Variants in ITGAD observed in about 807,000 individuals in gnomAD.
ITGAD encodes the protein integrin alpha-D.
Under a neutral mutation model 139.0 loss-of-function variants are expected in ITGAD, and 105 were observed. The ratio of observed to expected loss-of-function variants is 0.76; its 90% CI spans 0.65 to 0.89. The LOEUF is 0.89. Among genes scored for constraint, ITGAD ranks in the 40% least tolerant of loss-of-function variants. The pLI, the probability that ITGAD is intolerant of heterozygous loss-of-function variation, is 0.00. For synonymous variants in ITGAD, 569 were observed against 598.3 expected (o/e 0.95, Z 0.71); for missense variants, 1,384 against 1,487.3 (o/e 0.93, Z 1.14).
chr16:31,412,108 C>G (rs553150762), intron 14 of ITGAD, among the ~76,000 whole-genome samples: 1 of 150,080 alleles, frequency 6.7e-6, no homozygotes, highest in African/African-American at 2.5e-5. Context: ...CTCACTCTGT[C>G]GCCCAGGCTG....
chr16:31,397,486 G>A, intron 3 of ITGAD, 24 bp downstream of exon 3: 3 of 1,581,744 alleles, frequency 1.9e-6, no homozygotes, highest in Non-Finnish European at 2.6e-6. Flanking sequence ...TGGGAATTGG[G>A]CCCCTCAACC....
chr16:31,407,641 G>C lies in ITGAD; in HGVS notation c.831G>C (p.Lys277Asn), dbSNP rs1384545948. Reference sequence around the variant, plus strand: ...GTGATGTCATCCCCCAGGCAGAGAAGGCTGGCATCATCCGCTACGCTATCG... The same window carrying C: ...GTGATGTCATCCCCCAGGCAGAGAACGCTGGCATCATCCGCTACGCTATCG... ...EYSDVIPQAE[K>N]AGIIRYAIGV... The change falls in exon 8 of 30, where the codon AAG becomes AAC. Residue 277 changes from lysine (K) to asparagine (N), a missense_variant. Transcript: ENST00000389202. 1.2e-6 allele frequency: 2 copies of C among 1,614,178 alleles called. No individual in the cohort carries two copies. Among genetic ancestry groups the C allele is most frequent in the Non-Finnish European group, 8.5e-7 (1 of 1,180,032 alleles).
intron 16 of ITGAD, among the ~76,000 whole-genome samples, chr16:31,414,049 G>A (rs1440811902): frequency 1.3e-5 from 2 of 152,108 alleles, no homozygotes; most frequent in Non-Finnish European, 2.9e-5. Context: ...TCATCTATCT[G>A]CCAAATCTGT....
rs2081696382 is a variant in ITGAD, at chr16:31,411,177, C to A, written c.1458C>A (p.Thr486=). Residue 486 remains threonine, a synonymous_variant, in exon 13 of 30, where the codon ACC becomes ACA. Coordinates refer to ENST00000389202, the MANE Select transcript of ITGAD (RefSeq NM_005353.3). The part of the protein sequence containing the change: ...LIGAPHYYEQ[T]RGGQVSVCPL... ...GGGCCCCCCATTACTATGAGCAGAC[C>A]CGAGGGGGCCAGGTGTCCGTGTGTC... The A allele has an allele frequency of 6.2e-7, 1 of 1,613,752 alleles. No individual in the cohort carries two copies. The highest frequency in any genetic ancestry group is 1.1e-5 in the South Asian group (1 of 91,078).
intron 4 of ITGAD, 40 bp downstream of exon 4, chr16:31,397,706 C>CCGGG: frequency 4.7e-5 from 14 of 299,924 alleles, no homozygotes; most frequent in East Asian, 7.8e-5. Flanking sequence ...TGGGGTGGGG[C>CCGGG]GGGGGGTGTT....
intron 20 of ITGAD, 129 bp downstream of exon 20, chr16:31,416,775 A>C: frequency 1.2e-6 from 1 of 838,946 alleles, no homozygotes; most frequent in Non-Finnish European, 1.8e-6. Flanking sequence ...ACACACACAC[A>C]CATACACACA....
At chr16:31,400,078 C>T (rs2081365984) in intron 5 of ITGAD, among the ~76,000 whole-genome samples, 1 of 152,180 alleles carries the variant, frequency 6.6e-6, no homozygotes, top group Admixed American at 6.5e-5. Flanking sequence ...GAGGATTTGC[C>T]ACAGACCTGG....
In ITGAD at chr16:31,397,460, A is replaced by G. The variant is rs1373025791; in HGVS notation, c.239A>G (p.His80Arg). The change falls in exon 3 of 30, where the codon CAC (histidine) becomes CGC (arginine). Residue 80 changes from histidine (H) to arginine (R), a missense_variant and splice_region_variant. By Grantham distance (29) the His-to-Arg change is conservative. Coordinates refer to ENST00000389202, the MANE Select transcript of ITGAD (RefSeq NM_005353.3). ...GGCATGTGCCAGCCCATCCCGCTGC[A>G]CAGTGAGTGACCACCTGGGAATTGG... ...ATGMCQPIPL[H>R]IRPEAVNMSL... 5.7e-6 allele frequency: 9 copies of G among 1,591,742 alleles called. No individual in the cohort carries two copies. The Admixed American group carries it at 1.6e-4, about 28-fold the overall frequency.
Position 31,418,356 on chromosome 16 carries a change from T to C in ITGAD, c.2672T>C (p.Met891Thr), listed in dbSNP as rs2081939821. The change falls in exon 22 of 30, where the codon ATG becomes ACG. Residue 891 changes from methionine to threonine, a missense_variant. Physicochemically the swap from Met to Thr is moderately conservative, Grantham distance 81. Coordinates refer to ENST00000389202, the MANE Select transcript of ITGAD (RefSeq NM_005353.3). ...TACAAGGCCACCCTGGGAGACAGGATGCTTATGAGGGCCAGTGCAAGCAGG... is the reference window on the plus strand; with the variant it reads ...TACAAGGCCACCCTGGGAGACAGGACGCTTATGAGGGCCAGTGCAAGCAGG... ...VSYKATLGDR[M>T]LMRASASSEN... The C allele has an allele frequency of 6.2e-7, 1 of 1,613,996 alleles. No individual in the cohort carries two copies. Among genetic ancestry groups the C allele is most frequent in the African/African-American group, 1.3e-5 (1 of 74,916 alleles).
chr16:31,418,577 T>C lies in ITGAD; in HGVS notation c.2780+13T>C, dbSNP rs1443492726. On this transcript the variant is annotated intron_variant, in intron 23 of 29. Coordinates refer to ENST00000389202, the MANE Select transcript of ITGAD (RefSeq NM_005353.3). ...CCATGATCAGCAGGTGCCCAGTCCC[T>C]GGCCTTCCCCTTGGACCTCTGGCCT... 1.2e-6 allele frequency: 2 copies of C among 1,608,574 alleles called. No homozygotes were observed. The highest frequency in any genetic ancestry group is 4.5e-5 in the East Asian group (2 of 44,850).
chr16:31,416,883 C>T (rs993431891), intron 20 of ITGAD, among the ~76,000 whole-genome samples: 1 of 151,976 alleles, frequency 6.6e-6, no homozygotes, highest in Non-Finnish European at 1.5e-5. Context: ...GCTAGCATCC[C>T]CAGAACCCCC....
intron 16 of ITGAD, 90 bp downstream of exon 16, chr16:31,413,336 A>G (rs916816938): frequency 5.1e-6 from 7 of 1,361,158 alleles, no homozygotes; most frequent in African/African-American, 2.9e-5. Flanking sequence ...TAGGAATCCA[A>G]TCTTACCTCC....
intron 18 of ITGAD, among the ~76,000 whole-genome samples, 172 bp downstream of exon 18, chr16:31,415,163 T>C (rs926434727): frequency 1.3e-5 from 2 of 152,120 alleles, no homozygotes; most frequent in Non-Finnish European, 2.9e-5. Context: ...AGGACTGACA[T>C]GAAGTCCACC....
In ITGAD at chr16:31,424,835, G is replaced by A. The variant is rs1352241167; in HGVS notation, c.3372+258G>A. ...GCTGGTCTCGAACTCCTGACTTCAG[G>A]TGATCCGCCCACCTTGGCCTCCCAA... On this transcript the variant is annotated intron_variant, in intron 29 of 29. Coordinates refer to ENST00000389202, the MANE Select transcript of ITGAD (RefSeq NM_005353.3). 1.1e-5 allele frequency: 3 copies of A among 283,578 alleles called. No homozygotes were observed. The South Asian group carries it at 1.5e-4, about 14-fold the overall frequency. The allele number at this position is 283,578 out of a possible 1,614,324, so 17.6% of individuals were successfully genotyped here.
chr16:31,398,567 G>A (rs1322384169), intron 5 of ITGAD, among the ~76,000 whole-genome samples: 1 of 151,974 alleles, frequency 6.6e-6, no homozygotes, highest in Non-Finnish European at 1.5e-5. Flanking sequence ...CTGCAGCCTC[G>A]AACTCCTGGG....
chr16:31,402,525 C>T (rs1257083109), intron 6 of ITGAD: 1 of 256,638 alleles, frequency 3.9e-6, no homozygotes, highest in Non-Finnish European at 7.5e-6. Context: ...ATTTGACTGA[C>T]ATATTTTCTA....
At position 31,408,491 on chromosome 16, in the gene ITGAD, T is replaced by A; in HGVS notation, c.1076T>A (p.Leu359His). The A allele has an allele frequency of 1.2e-6, 2 of 1,613,752 alleles. No individual in the cohort carries two copies. Among genetic ancestry groups the A allele is most frequent in the African/African-American group, 2.7e-5 (2 of 75,010 alleles). The change falls in exon 10 of 30, where the codon CTC (leucine) becomes CAC (histidine). Residue 359 changes from leucine to histidine, a missense_variant. Physicochemically the swap from Leu to His is moderately conservative, Grantham distance 99 (BLOSUM62 -3). Transcript: ENST00000389202. ...EMSQEGFSTALTMDGLFLGAV... is the reference protein window; with the variant it reads ...EMSQEGFSTAHTMDGLFLGAV... Reference sequence around the variant, plus strand: ...TCCCAAGAAGGCTTCAGCACAGCCCTCACAATGGTGGGTAGAGCCTGCCCT... The same window carrying A: ...TCCCAAGAAGGCTTCAGCACAGCCCACACAATGGTGGGTAGAGCCTGCCCT...
chr16:31,409,414 A>G (rs2142733958), intron 10 of ITGAD, among the ~76,000 whole-genome samples: 1 of 152,288 alleles, frequency 6.6e-6, no homozygotes, highest in Non-Finnish European at 1.5e-5. Context: ...GTGAAATGAA[A>G]TAAGATTGGT....
intron 10 of ITGAD, among the ~76,000 whole-genome samples, chr16:31,409,042 C>T (rs1241206385): frequency 6.6e-6 from 1 of 152,152 alleles, no homozygotes; most frequent in East Asian, 1.9e-4. Context: ...GCCTGTAATC[C>T]CAGCACTTTG....
Sources: gnomAD v4.1 joint callset for allele counts (sites outside exome capture counted in the v4.1 genomes callset) on GRCh38, gnomAD v4.1.1 for gene constraint, MANE v1.5 for transcripts, NCBI Gene and HGNC (gene_info 2026-07-23, HGNC 2026-07-21) for gene names.